The following MATR3 variants were observed in gnomAD, a reference collection of about 807,000 sequenced individuals.
The protein encoded by MATR3 is matrin-3.
In MATR3, 4 loss-of-function variants were observed where a neutral mutation model predicts 85.5. The ratio of observed to expected loss-of-function variants is 0.05; its 90% CI spans 0.02 to 0.11. The LOEUF is 0.11. MATR3 is among the 10% of genes least tolerant of loss of function. The probability of loss-of-function intolerance (pLI) is 1.00; values close to 1 mark genes in which losing one functional copy is unlikely to be tolerated. For synonymous variants in MATR3, 336 were observed against 343.1 expected (o/e 0.98, Z 0.23); for missense variants, 685 against 1,016.1 (o/e 0.67, Z 4.43).
chr5:139,330,598 C>G lies in MATR3; in HGVS notation c.*1203C>G, dbSNP rs978222922. 1 of 453,940 alleles carries G rather than the reference C, an allele frequency of 2.2e-6. No individual in the cohort carries two copies. Among genetic ancestry groups the G allele is most frequent in the Non-Finnish European group, 4.4e-6 (1 of 226,784 alleles). 28.1% of individuals were successfully genotyped at this position (453,940 alleles called of 1,614,324 possible). A position where few individuals can be genotyped will look rare whatever the true frequency, so the allele number is the denominator to read the frequency against. On this transcript the variant is annotated 3_prime_UTR_variant, in exon 15 of 15. Transcript: ENST00000394805. ...TGGATTTCTTGTTCCTGTTACATAA[C>G]TAAAAGTGAGGCCATTTGTGGTTTT...
rs1452943451 is a variant in MATR3, at chr5:139,329,802, C to T, written c.*407C>T. ...GTGTTTTTATTACTTTCATCTGAAA[C>T]ATTCCATGTTTTAATCTGAGCCTTG... On this transcript the variant is annotated 3_prime_UTR_variant, in exon 15 of 15. Coordinates refer to ENST00000394805, the MANE Select transcript of MATR3 (RefSeq NM_018834.6). 1 of 454,658 alleles carries T rather than the reference C, an allele frequency of 2.2e-6. No homozygotes were observed. The highest frequency in any genetic ancestry group is 4.4e-6 in the Non-Finnish European group (1 of 226,886). 28.2% of individuals were successfully genotyped at this position (454,658 alleles called of 1,614,324 possible).
At chr5:139,300,770 G>C (rs558407593) in intron 1 of MATR3, among the ~76,000 whole-genome samples, 1 of 152,298 alleles carries the variant, frequency 6.6e-6, no homozygotes, top group Admixed American at 6.5e-5. Flanking sequence ...AGCCTCCCCA[G>C]TAGCTGGGAT....
chr5:139,313,412 C>T (rs1755093786), intron 2 of MATR3: 1 of 147,884 alleles, frequency 6.8e-6, no homozygotes, highest in Non-Finnish European at 1.5e-5. Flanking sequence ...ATTTGCTTTT[C>T]ACAACAACCC....
intron 12 of MATR3, 177 bp from the exon 13 acceptor site, chr5:139,325,263 A>G: frequency 6.5e-7 from 1 of 1,549,848 alleles, no homozygotes. Flanking sequence ...CTGCAGGATA[A>G]TTGTTGCAGA....
In MATR3 at chr5:139,305,101, G is replaced by A. The variant is rs768055142; in HGVS notation, c.-177-2138G>A. Among the ~76,000 whole-genome samples the A allele has an allele frequency of 4.6e-5, 7 of 152,104 alleles. No homozygotes were observed. The East Asian group carries it at 7.7e-4, about 17-fold the overall frequency. On this transcript the variant is annotated intron_variant, in intron 1 of 14. Coordinates refer to ENST00000394805, the MANE Select transcript of MATR3 (RefSeq NM_018834.6). ...TATCCTTGATGGAGCTGCATTTTAC[G>A]TTGAAACTGAGTATCTTAAAACTAC...
intron 3 of MATR3, among the ~76,000 whole-genome samples, chr5:139,286,139 C>G (rs917042912): frequency 6.6e-6 from 1 of 152,096 alleles, no homozygotes; most frequent in African/African-American, 2.4e-5. Flanking sequence ...TAAGACCTGA[C>G]CCCATCCTCT....
chr5:139,294,546 C>G (rs1197838900), intron 1 of MATR3: 1 of 152,284 alleles, frequency 6.6e-6, no homozygotes, highest in Non-Finnish European at 1.5e-5. Context: ...TAAAAATGGC[C>G]GAAAAATGAA....
chr5:139,320,140 C>G (rs957267645), intron 9 of MATR3, among the ~76,000 whole-genome samples: 2 of 151,666 alleles, frequency 1.3e-5, no homozygotes, highest in Non-Finnish European at 2.9e-5. Context: ...AACCCCCTCT[C>G]TCCTAAAAAT....
At chr5:139,315,397 A>G in intron 3 of MATR3, 3 of 329,682 alleles carry the variant, frequency 9.1e-6, no homozygotes, top group Non-Finnish European at 1.7e-5. Context: ...TATGTAACCC[A>G]CATTTCTAAT....
upstream of MATR3, among the ~76,000 whole-genome samples, chr5:139,292,959 C>CAA (rs111478854): frequency 2.0e-5 from 3 of 151,714 alleles, no homozygotes; most frequent in African/African-American, 7.3e-5. Context: ...AAAAACAAAA[C>CAA]AAAAAAAACA....
rs1332185160 is a variant in MATR3, at chr5:139,277,887, CATACTT to C, written c.-256-1160_-256-1155del. On this transcript the variant is annotated intron_variant, in intron 2 of 16. Coordinates refer to ENST00000509990, the Ensembl canonical transcript of MATR3. ...GCTAGTTAACACATCTAGCACCTCA[CATACTT>C]ATATTTTGTTGTGGTGAAAACATTT... Among the ~76,000 whole-genome samples the C allele has an allele frequency of 4.6e-5, 7 of 151,414 alleles. No homozygotes were observed. In the Admixed American group the frequency reaches 4.6e-4, roughly 10 times the overall value.
intron 12 of MATR3, among the ~76,000 whole-genome samples, chr5:139,324,541 A>T (rs1279605201): frequency 6.6e-6 from 1 of 151,970 alleles, no homozygotes; most frequent in African/African-American, 2.4e-5. Flanking sequence ...TGATCCGCCC[A>T]CCTCAGCCTC....
chr5:139,329,199 A>C (rs763392681), intron 14 of MATR3, 146 bp from the exon 15 acceptor site: 12 of 646,180 alleles, frequency 1.9e-5, no homozygotes, highest in Non-Finnish European at 3.4e-5. Context: ...TTGTGTGCTA[A>C]TGAGGATTAA....
At chr5:139,279,957 T>C (rs1011221105) in intron 3 of MATR3, 2 of 152,240 alleles carry the variant, frequency 1.3e-5, no homozygotes, top group African/African-American at 4.8e-5. Context: ...GACTACCCTA[T>C]TGGACAACTC....
intron 9 of MATR3, among the ~76,000 whole-genome samples, chr5:139,320,046 C>T (rs1415418731): frequency 2.0e-5 from 3 of 147,836 alleles, no homozygotes; most frequent in Non-Finnish European, 3.0e-5. Flanking sequence ...CAGTGGCTCA[C>T]GCCTGTAATC....
Position 139,318,890 on chromosome 5 carries a change from CTT to C in MATR3, c.1309-14_1309-13del. 6.2e-7 allele frequency: 1 copy of C among 1,613,720 alleles called. No homozygotes were observed. On this transcript the variant is annotated splice_polypyrimidine_tract_variant and intron_variant, in intron 7 of 14. Coordinates refer to ENST00000394805, the MANE Select transcript of MATR3 (RefSeq NM_018834.6). ...CTGATTGGAAAAAACAGAGAAATAACTTTTTGTATAATTTCAGGCATTTATTG... is the reference window on the plus strand; with the variant it reads ...CTGATTGGAAAAAACAGAGAAATAACTTTGTATAATTTCAGGCATTTATTG...
At chr5:139,323,536 T>C (rs575250934) in intron 12 of MATR3, among the ~76,000 whole-genome samples, 1 of 152,304 alleles carries the variant, frequency 6.6e-6, no homozygotes, top group East Asian at 1.9e-4. Flanking sequence ...AGGACCCACA[T>C]TGAGCTGACT....
At chr5:139,296,225 G>A (rs1017373930) in intron 1 of MATR3, among the ~76,000 whole-genome samples, 1 of 152,162 alleles carries the variant, frequency 6.6e-6, no homozygotes, top group African/African-American at 2.4e-5. Context: ...TTGGGAATCT[G>A]CTAATTCTGT....
rs746590954 is a variant in MATR3, at chr5:139,307,327, C to A, written c.-89C>A. 1 of 1,525,774 alleles carries A rather than the reference C, an allele frequency of 6.6e-7. No individual in the cohort carries two copies. Among genetic ancestry groups the A allele is most frequent in the Non-Finnish European group, 8.7e-7 (1 of 1,147,000 alleles). The allele number at this position is 1,525,774 out of a possible 1,614,324, so 94.5% of individuals were successfully genotyped here. A position where few individuals can be genotyped will look rare whatever the true frequency, so the allele number is the denominator to read the frequency against. On this transcript the variant is annotated 5_prime_UTR_variant, in exon 2 of 15. Transcript: ENST00000394805. The surrounding 1 kb of genome is among the most constrained non-coding windows in gnomAD (Gnocchi z 4.4). ...GTTACCATTTTTGAAGCAAAGTTAA[C>A]CTAGCTTTCTAGTTTGAGCTTTCTT...
Sources: gnomAD v4.1 joint callset for allele counts (sites outside exome capture counted in the v4.1 genomes callset) on GRCh38, gnomAD v4.1.1 for gene constraint, Gnocchi (gnomAD v3.1) non-coding constraint, MANE v1.5 for transcripts, NCBI Gene and HGNC (gene_info 2026-07-23, HGNC 2026-07-21) for gene names.